BRINP3: variants seen among roughly 807,000 people sequenced by gnomAD.
The protein encoded by BRINP3 is BMP/retinoic acid-inducible neural-specific protein 3.
BRINP3 carries 19 observed loss-of-function variants against 71.0 expected under a neutral mutation model. The observed-to-expected ratio is 0.27, with a 90% CI of 0.19 to 0.39. BRINP3 has a LOEUF of 0.39. Among genes scored for constraint, BRINP3 ranks in the 10% least tolerant of loss-of-function variants. BRINP3 has a pLI of 1.00. For missense variants in BRINP3, 959 were observed against 940.8 expected, an observed-to-expected ratio of 1.02 and a Z score of -0.25; for synonymous variants, 380 against 337.7, an observed-to-expected ratio of 1.13 and a Z score of -1.37.
intron 7 of BRINP3, among the ~76,000 whole-genome samples, chr1:190,131,517 A>C (rs567335067): frequency 6.6e-6 from 1 of 152,102 alleles, no homozygotes; most frequent in South Asian, 2.1e-4. Context: ...TGTAGTCTAC[A>C]AGGTCTGTCT....
chr1:190,287,016 C>T (rs919182505), intron 2 of BRINP3, among the ~76,000 whole-genome samples: 3 of 150,440 alleles, frequency 2.0e-5, no homozygotes, highest in Admixed American at 6.7e-5. Context: ...GTCAGGAGTT[C>T]GAGACCAGCC....
intron 7 of BRINP3, among the ~76,000 whole-genome samples, chr1:190,118,035 G>T (rs1467757761): frequency 6.6e-6 from 1 of 151,934 alleles, no homozygotes; most frequent in Non-Finnish European, 1.5e-5. Flanking sequence ...AGAACCAAAT[G>T]CATTATGTTT....
chr1:190,408,738 T>C, intron 2 of BRINP3, among the ~76,000 whole-genome samples: 1 of 152,202 alleles, frequency 6.6e-6, no homozygotes. Flanking sequence ...AGAGAATAAG[T>C]GGTGTTTATG....
At chr1:190,177,419 C>A (rs1652641601) in intron 6 of BRINP3, among the ~76,000 whole-genome samples, 1 of 146,910 alleles carries the variant, frequency 6.8e-6, no homozygotes, top group Non-Finnish European at 1.5e-5. Flanking sequence ...ACCTTGTGAT[C>A]CACCCGCCTC....
chr1:190,325,326 C>A (rs976995943), intron 2 of BRINP3, among the ~76,000 whole-genome samples: 15 of 151,918 alleles, frequency 9.9e-5, no homozygotes, highest in Admixed American at 6.6e-5. Context: ...AACTTAGCTA[C>A]TTTACATTTT....
At chr1:190,359,178 A>C (rs1668961713) in intron 2 of BRINP3, among the ~76,000 whole-genome samples, 1 of 152,142 alleles carries the variant, frequency 6.6e-6, no homozygotes, top group Non-Finnish European at 1.5e-5. Flanking sequence ...AAAAAAATAA[A>C]AAATGATAAA....
chr1:190,157,351 C>T (rs1313544702), intron 7 of BRINP3, among the ~76,000 whole-genome samples: 3 of 152,136 alleles, frequency 2.0e-5, no homozygotes, highest in East Asian at 1.9e-4. Flanking sequence ...AGTTCAAACT[C>T]GTGTTGTTCA....
intron 2 of BRINP3, among the ~76,000 whole-genome samples, chr1:190,387,438 A>G (rs1365318798): frequency 2.0e-5 from 3 of 151,874 alleles, no homozygotes; most frequent in Non-Finnish European, 2.9e-5. Flanking sequence ...TGATAGCCGC[A>G]TTGTACTCTG....
chr1:190,217,521 T>A (rs1269410986), intron 6 of BRINP3, among the ~76,000 whole-genome samples: 3 of 151,980 alleles, frequency 2.0e-5, no homozygotes, highest in African/African-American at 7.2e-5. Flanking sequence ...ATGAATAAAA[T>A]GTTTGGGTTC....
At chr1:190,430,642 TCTTA>T (rs1012010344) in intron 2 of BRINP3, among the ~76,000 whole-genome samples, 2 of 152,210 alleles carry the variant, frequency 1.3e-5, no homozygotes, top group African/African-American at 4.8e-5. Flanking sequence ...CGTGAGTTTC[TCTTA>T]CTTAAGCTGT....
chr1:190,401,294 G>C (rs140067428), intron 2 of BRINP3, among the ~76,000 whole-genome samples: 1 of 147,272 alleles, frequency 6.8e-6, no homozygotes, highest in Non-Finnish European at 1.5e-5. Flanking sequence ...GGAGGTGGAG[G>C]TTGCAGTGAG....
chr1:190,324,623 A>G (rs1416258235), intron 2 of BRINP3, among the ~76,000 whole-genome samples: 7 of 151,912 alleles, frequency 4.6e-5, no homozygotes, highest in African/African-American at 1.7e-4. Context: ...TTTTGGGGAA[A>G]ATTATTTAAA....
chr1:190,464,514 C>T (rs1676610357), intron 1 of BRINP3, among the ~76,000 whole-genome samples: 1 of 151,838 alleles, frequency 6.6e-6, no homozygotes, highest in African/African-American at 2.4e-5. Flanking sequence ...ATCCCTGGAG[C>T]CCCTACTACG....
At chr1:190,451,106 A>G (rs551024215) in intron 2 of BRINP3, among the ~76,000 whole-genome samples, 1 of 152,296 alleles carries the variant, frequency 6.6e-6, no homozygotes, top group South Asian at 2.1e-4. Flanking sequence ...TATTTTGAAA[A>G]ATTATAAGAA....
chr1:190,375,515 G>A (rs995675228), intron 2 of BRINP3, among the ~76,000 whole-genome samples: 10 of 151,848 alleles, frequency 6.6e-5, no homozygotes, highest in Non-Finnish European at 1.5e-4. Flanking sequence ...AAAGCAGTTC[G>A]TACTACAGAT....
At chr1:190,124,962 T>G (rs1414436047) in intron 7 of BRINP3, among the ~76,000 whole-genome samples, 1 of 152,076 alleles carries the variant, frequency 6.6e-6, no homozygotes. Flanking sequence ...GATCAGCATT[T>G]GCAATGTACC....
At chr1:190,126,266 A>G (rs1460434180) in intron 7 of BRINP3, among the ~76,000 whole-genome samples, 2 of 152,020 alleles carry the variant, frequency 1.3e-5, no homozygotes, top group Admixed American at 1.3e-4. Context: ...AGTTTATTTC[A>G]TAGAACATTG....
chr1:190,187,560 G>A (rs951278026), intron 6 of BRINP3, among the ~76,000 whole-genome samples: 1 of 151,832 alleles, frequency 6.6e-6, no homozygotes, highest in Non-Finnish European at 1.5e-5. Context: ...TATGTATATG[G>A]CGTGACAAAA....
rs544309126 is a variant in BRINP3 at position 190,424,449 on chromosome 1, G to A, written c.236+30206C>T. 4.0e-5 allele frequency among the ~76,000 whole-genome samples: 6 copies of A among 151,666 alleles called. No individual in the cohort carries two copies. In the East Asian group the frequency reaches 9.7e-4, roughly 24 times the overall value. Reference sequence around the variant, plus strand: ...TTTGTACAAAGGGAAATACAGTGAGGAAAAGTGGAGAACGAACATTGTTAG... The same window carrying A: ...TTTGTACAAAGGGAAATACAGTGAGAAAAAGTGGAGAACGAACATTGTTAG... On this transcript the variant is annotated intron_variant, in intron 2 of 7. Coordinates refer to ENST00000367462, the MANE Select transcript of BRINP3 (RefSeq NM_199051.3).
Sources: gnomAD v4.1 joint callset for allele counts (sites outside exome capture counted in the v4.1 genomes callset) on GRCh38, gnomAD v4.1.1 for gene constraint, MANE v1.5 for transcripts, NCBI Gene and HGNC (gene_info 2026-07-23, HGNC 2026-07-21) for gene names.